The following ZNF780A variants were observed in gnomAD, a reference collection of about 807,000 sequenced individuals.
ZNF780A encodes the protein zinc finger protein 780A.
ZNF780A carries 40 observed loss-of-function variants against 56.7 expected under a neutral mutation model. The ratio of observed to expected loss-of-function variants is 0.71; its 90% CI spans 0.55 to 0.92. The LOEUF (loss-of-function observed/expected upper bound fraction) is 0.92. Ranked by LOEUF, ZNF780A falls within the 40% of genes least tolerant of loss-of-function variation. The probability of loss-of-function intolerance (pLI) is 0.00; values close to 1 mark genes in which losing one functional copy is unlikely to be tolerated. For missense variants in ZNF780A, 672 were observed against 783.3 expected (o/e 0.86, Z 1.70); for synonymous variants, 231 against 248.3 (o/e 0.93, Z 0.66).
intron 5 of ZNF780A, among the ~76,000 whole-genome samples, chr19:40,079,043 T>C (rs1211868618): frequency 1.3e-5 from 2 of 152,218 alleles, no homozygotes; most frequent in South Asian, 2.1e-4. Flanking sequence ...CTAAAAGATA[T>C]AGATGGAATG....
chr19:40,087,697 C>G (rs1235700200), intron 2 of ZNF780A, among the ~76,000 whole-genome samples: 9 of 151,984 alleles, frequency 5.9e-5, no homozygotes, highest in Non-Finnish European at 1.3e-4. Context: ...ACCCAAATAG[C>G]CAAAGCAATC....
chr19:40,074,192 C>A lies in ZNF780A; in HGVS notation c.*324G>T. The A allele has an allele frequency of 7.2e-7, 1 of 1,396,030 alleles. No homozygotes were observed. Among genetic ancestry groups the A allele is most frequent in the South Asian group, 1.5e-5 (1 of 67,150 alleles). 86.5% of individuals were successfully genotyped at this position (1,396,030 alleles called of 1,614,324 possible). On this transcript the variant is annotated 3_prime_UTR_variant, in exon 6 of 6. Transcript: ENST00000683561. ...CACATTTCTCAAATTCAAATGGCTT[C>A]TCGCCAGTATGAATGACCTGAAGTC...
downstream of ZNF780A, chr19:40,072,733 C>A: frequency 7.8e-7 from 1 of 1,285,556 alleles, no homozygotes. Flanking sequence ...GTTGGTATCA[C>A]AATCACCTGG....
intron 4 of ZNF780A, 101 bp downstream of exon 4, chr19:40,083,010 G>T: frequency 6.3e-7 from 1 of 1,584,284 alleles, no homozygotes; most frequent in Non-Finnish European, 8.6e-7. Flanking sequence ...CAAGAAGAAG[G>T]AATTCAGCCA....
chr19:40,074,040 C>T lies in ZNF780A; in HGVS notation c.*476G>A. 1.7e-6 allele frequency: 2 copies of T among 1,204,234 alleles called. No individual in the cohort carries two copies. The highest frequency in any genetic ancestry group is 2.1e-6 in the Non-Finnish European group (2 of 951,608). 74.6% of individuals were successfully genotyped at this position (1,204,234 alleles called of 1,614,324 possible). A position where few individuals can be genotyped will look rare whatever the true frequency, so the allele number is the denominator to read the frequency against. On this transcript the variant is annotated 3_prime_UTR_variant, in exon 6 of 6. Transcript: ENST00000683561. The stretch of plus-strand genomic sequence containing the variant: ...ACAGGGTTTCATACCAGTATGAATT[C>T]TTTGATGTGCAGTCAGGACCAAACT...
At chr19:40,081,788 G>T in intron 5 of ZNF780A, 31 bp downstream of exon 5, 1 of 1,563,756 alleles carries the variant, frequency 6.4e-7, no homozygotes, top group Non-Finnish European at 8.8e-7. Flanking sequence ...GACAATGATG[G>T]CTTCCCCCCG....
chr19:40,079,517 C>A (rs923044312), intron 5 of ZNF780A, among the ~76,000 whole-genome samples: 6 of 152,134 alleles, frequency 3.9e-5, no homozygotes, highest in Non-Finnish European at 8.8e-5. Flanking sequence ...CTGAACATTT[C>A]ATCAAATAGC....
At chr19:40,077,488 C>T (rs781234655) in intron 5 of ZNF780A, among the ~76,000 whole-genome samples, 4 of 152,252 alleles carry the variant, frequency 2.6e-5, no homozygotes, top group Non-Finnish European at 5.9e-5. Flanking sequence ...GTGAGGACAG[C>T]ACCAAGGGGA....
chr19:40,072,346 A>T (rs337783), downstream of ZNF780A: 150,540 of 154,064 alleles, frequency 0.98, 73,565 homozygotes, highest in East Asian at 1. Context: ...CAGGACTAGC[A>T]GGATTTCCTA....
chr19:40,074,914 A>C lies in ZNF780A; in HGVS notation c.1528T>G (p.Phe510Val). ...TGGGAAAGTTGTAGGTAAAGTCTAA[A>C]AGCCTTCCCACACTCCTTACATTCA... Reference protein sequence around the residue: ...PYECKECGKAFRLYLQLSQHQ... With the variant: ...PYECKECGKAVRLYLQLSQHQ... Residue 510 changes from phenylalanine (F) to valine (V), a missense_variant, in exon 6 of 6, where the codon TTT (phenylalanine) becomes GTT (valine). Coordinates refer to ENST00000683561, the MANE Select transcript of ZNF780A (RefSeq NM_001142578.2). 3 of 1,614,120 alleles carry C rather than the reference A, an allele frequency of 1.9e-6. No homozygotes were observed. The highest frequency in any genetic ancestry group is 2.5e-6 in the Non-Finnish European group (3 of 1,180,004).
rs907462340 is a variant in ZNF780A, at chr19:40,085,043, C to G, written c.-45-245G>C. 16 of 775,084 alleles carry G rather than the reference C, an allele frequency of 2.1e-5. 1 individual carries two copies. The South Asian group carries it at 8.9e-4, about 43-fold the overall frequency. 48.0% of individuals were successfully genotyped at this position (775,084 alleles called of 1,614,324 possible). A position where few individuals can be genotyped will look rare whatever the true frequency, so the allele number is the denominator to read the frequency against. ...GAACCTGCGGCAGAAGCATGAATGC[C>G]GAGCACAGGCATTTCTGCCTTGAAG... On this transcript the variant is annotated intron_variant, in intron 2 of 5. Transcript: ENST00000683561.
Position 40,074,713 on chromosome 19 carries a change from T to C in ZNF780A, c.1729A>G (p.Lys577Glu). ...RLHMHLIRHQ[K>E]LHTGEKPFEC... The stretch of plus-strand genomic sequence containing the variant: ...AAGGGTTTCTCACCAGTATGCAATT[T>C]CTGATGTCGAATAAGGTGCATATGA... Residue 577 changes from lysine to glutamate, a missense_variant, in exon 6 of 6, where the codon AAA becomes GAA. By Grantham distance (56) the Lys-to-Glu change is moderately conservative. Transcript: ENST00000683561. 6.2e-7 allele frequency: 1 copy of C among 1,614,182 alleles called. No homozygotes were observed. Among genetic ancestry groups the C allele is most frequent in the Admixed American group, 1.7e-5 (1 of 60,022 alleles).
In ZNF780A at chr19:40,076,246, C is replaced by T. The variant is rs970616642; in HGVS notation, c.233-37G>A. ...GAAGAAAGCAAACCTATTTTATTTT[C>T]GTATAACACACATGCATACAAAGTC... On this transcript the variant is annotated intron_variant, in intron 5 of 5. Transcript: ENST00000683561. 7.2e-6 allele frequency: 11 copies of T among 1,518,630 alleles called. No individual in the cohort carries two copies. In the African/African-American group the frequency reaches 8.4e-5, roughly 12 times the overall value. 94.1% of individuals were successfully genotyped at this position (1,518,630 alleles called of 1,614,324 possible).
chr19:40,071,951 C>G (rs1973833251), downstream of ZNF780A: 1 of 152,270 alleles, frequency 6.6e-6, no homozygotes, highest in South Asian at 2.1e-4. Context: ...TGGACCAGGC[C>G]TTTTCAAAAC....
intron 5 of ZNF780A, among the ~76,000 whole-genome samples, chr19:40,077,607 A>G (rs1467316752): frequency 6.6e-6 from 1 of 152,046 alleles, no homozygotes; most frequent in Non-Finnish European, 1.5e-5. Context: ...TAGAGGGGAA[A>G]ATATCTAAAC....
chr19:40,074,341 C>A lies in ZNF780A; in HGVS notation c.*175G>T. 8 of 1,524,944 alleles carry A rather than the reference C, an allele frequency of 5.2e-6. No homozygotes were observed. The highest frequency in any genetic ancestry group is 6.1e-6 in the Non-Finnish European group (7 of 1,141,308). The allele number at this position is 1,524,944 out of a possible 1,614,324, so 94.5% of individuals were successfully genotyped here. On this transcript the variant is annotated 3_prime_UTR_variant, in exon 6 of 6. Coordinates refer to ENST00000683561, the MANE Select transcript of ZNF780A (RefSeq NM_001142578.2). Reference sequence around the variant, plus strand: ...GATATCTAAAGGTCGTCCTCCACTCCTTGCATACAAAGAGTTTCTCACTGG... The same window carrying A: ...GATATCTAAAGGTCGTCCTCCACTCATTGCATACAAAGAGTTTCTCACTGG...
rs919124866 is a variant in ZNF780A, at chr19:40,074,340, C to G, written c.*176G>C. On this transcript the variant is annotated 3_prime_UTR_variant, in exon 6 of 6. Transcript: ENST00000683561. Reference sequence around the variant, plus strand: ...TGATATCTAAAGGTCGTCCTCCACTCCTTGCATACAAAGAGTTTCTCACTG... The same window carrying G: ...TGATATCTAAAGGTCGTCCTCCACTGCTTGCATACAAAGAGTTTCTCACTG... 6.6e-7 allele frequency: 1 copy of G among 1,524,934 alleles called. No homozygotes were observed. The highest frequency in any genetic ancestry group is 1.4e-5 in the African/African-American group (1 of 72,040). 94.5% of individuals were successfully genotyped at this position (1,524,934 alleles called of 1,614,324 possible).
At chr19:40,085,104 C>G (rs1435711432) in intron 2 of ZNF780A, 1 of 971,304 alleles carries the variant, frequency 1.0e-6, no homozygotes. Flanking sequence ...TCTTGGGATA[C>G]CTATCTTGGC....
At chr19:40,084,948 C>A (rs1974701802) in intron 2 of ZNF780A, 150 bp from the exon 3 acceptor site, 2 of 1,110,542 alleles carry the variant, frequency 1.8e-6, no homozygotes, top group Non-Finnish European at 1.3e-6. Context: ...CCCACACACA[C>A]TCTCTCACAA....
Sources: allele counts gnomAD v4.1 joint callset (sites outside exome capture counted in the v4.1 genomes callset), GRCh38; gene constraint gnomAD v4.1.1; transcripts MANE v1.5; gene names NCBI Gene and HGNC (gene_info 2026-07-23, HGNC 2026-07-21).